The following RBFOX1 variants were observed in gnomAD, a reference collection of about 807,000 sequenced individuals.
RBFOX1 encodes the protein RNA binding protein fox-1 homolog 1.
A neutral mutation model predicts 57.7 loss-of-function variants in RBFOX1; 8 were observed. The ratio of observed to expected loss-of-function variants is 0.14; its 90% CI spans 0.08 to 0.25. RBFOX1 has a LOEUF of 0.25. RBFOX1 is among the 10% of genes least tolerant of loss of function. The pLI, the probability that RBFOX1 is intolerant of heterozygous loss-of-function variation, is 1.00. For synonymous variants in RBFOX1, 326 were observed against 222.4 expected, an observed-to-expected ratio of 1.47 and a Z score of -4.15; for missense variants, 611 against 548.5, an observed-to-expected ratio of 1.11 and a Z score of -1.14.
intron 4 of RBFOX1, among the ~76,000 whole-genome samples, chr16:7,268,554 C>G (rs1436098944): frequency 2.6e-5 from 4 of 152,166 alleles, no homozygotes; most frequent in African/African-American, 7.2e-5. Flanking sequence ...TTGACTTGCT[C>G]TTTGCAGCTA....
intron 2 of RBFOX1, among the ~76,000 whole-genome samples, chr16:6,633,705 G>C (rs116800507): frequency 1.4e-3 from 217 of 152,234 alleles, no homozygotes; most frequent in African/African-American, 5.1e-3. Flanking sequence ...ACATGTTTTA[G>C]TGACTTTGGA....
chr16:6,563,420 C>G (rs570932016), intron 2 of RBFOX1, among the ~76,000 whole-genome samples: 34 of 152,224 alleles, frequency 2.2e-4, no homozygotes, highest in African/African-American at 7.7e-4. Context: ...GGGATCCCCC[C>G]TAGATTGGAT....
At chr16:5,403,239 A>C (rs1421229159) in intron 1 of RBFOX1, among the ~76,000 whole-genome samples, 1 of 149,960 alleles carries the variant, frequency 6.7e-6, no homozygotes, top group Non-Finnish European at 1.5e-5. Context: ...AATCCCAGCT[A>C]TTTGGGAGGC....
intron 3 of RBFOX1, among the ~76,000 whole-genome samples, chr16:6,949,566 GTC>G (rs1036601771): frequency 5.1e-5 from 6 of 118,064 alleles, no homozygotes; most frequent in African/African-American, 1.6e-4. Context: ...TTCGGGGTGT[GTC>G]CTCACTTGGC....
chr16:6,248,889 G>T (rs1328889315), intron 1 of RBFOX1, among the ~76,000 whole-genome samples: 1 of 152,150 alleles, frequency 6.6e-6, no homozygotes, highest in Non-Finnish European at 1.5e-5. Flanking sequence ...CTGGCACACG[G>T]GGAGTGCTCA....
chr16:7,197,924 A>G (rs2087164568), intron 4 of RBFOX1, among the ~76,000 whole-genome samples: 1 of 151,796 alleles, frequency 6.6e-6, no homozygotes, highest in Admixed American at 6.6e-5. Flanking sequence ...TGGGAGTGTA[A>G]CTGAAAAATG....
At position 6,287,018 on chromosome 16, in the gene RBFOX1, A is replaced by G. The variant is rs565026086; in HGVS notation, c.-126-29977A>G. Among the ~76,000 whole-genome samples the G allele has an allele frequency of 6.6e-5, 10 of 152,166 alleles. No homozygotes were observed. The East Asian group carries it at 1.7e-3, about 26-fold the overall frequency. On this transcript the variant is annotated intron_variant, in intron 1 of 15. Coordinates refer to ENST00000550418, the MANE Select transcript of RBFOX1 (RefSeq NM_018723.4). ...GGGTTTTAGGTGAGTCTGAAACTCAAATGCCTACAGAGATCTACAGATTTT... is the reference window on the plus strand; with the variant it reads ...GGGTTTTAGGTGAGTCTGAAACTCAGATGCCTACAGAGATCTACAGATTTT...
chr16:7,215,849 C>T (rs1024586048), intron 4 of RBFOX1, among the ~76,000 whole-genome samples: 40 of 151,776 alleles, frequency 2.6e-4, no homozygotes, highest in Non-Finnish European at 1.0e-4. Context: ...CTCAGCCTCC[C>T]GATTAGCTGG....
At chr16:5,914,535 C>CT (rs2058667370) in intron 4 of RBFOX1, among the ~76,000 whole-genome samples, 1 of 152,100 alleles carries the variant, frequency 6.6e-6, no homozygotes, top group African/African-American at 2.4e-5. Context: ...ATGTGGGACT[C>CT]TCTGTAGACT....
intron 3 of RBFOX1, among the ~76,000 whole-genome samples, chr16:5,716,568 G>C (rs1435614103): frequency 6.6e-6 from 1 of 152,228 alleles, no homozygotes; most frequent in Non-Finnish European, 1.5e-5. Flanking sequence ...AGATGTGGGC[G>C]AGGTTTGGAG....
intron 3 of RBFOX1, among the ~76,000 whole-genome samples, chr16:6,974,265 G>A (rs569029599): frequency 3.4e-5 from 5 of 146,078 alleles, no homozygotes; most frequent in African/African-American, 1.2e-4. Context: ...ATGTGGTACA[G>A]TTTGAGTTGG....
At chr16:6,754,589 T>C (rs1488949439) in intron 3 of RBFOX1, among the ~76,000 whole-genome samples, 2 of 152,184 alleles carry the variant, frequency 1.3e-5, no homozygotes, top group Non-Finnish European at 2.9e-5. Flanking sequence ...CACTAATTTT[T>C]TGCATTGGTT....
Position 5,524,843 on chromosome 16 carries a change from T to C in RBFOX1, c.258+57589T>C, listed in dbSNP as rs2044176686. ...GGCGTGAGACACCGCACCCGGCCCC[T>C]ATTCATCATTCTGATTTAAACGCTT... On this transcript the variant is annotated intron_variant, in intron 2 of 2. Coordinates refer to the RBFOX1 transcript ENST00000585867. Among the ~76,000 whole-genome samples the C allele has an allele frequency of 2.0e-5, 3 of 151,844 alleles. No individual in the cohort carries two copies. The South Asian group carries it at 6.2e-4, about 32-fold the overall frequency.
chr16:6,914,244 G>T (rs1027738932), intron 3 of RBFOX1, among the ~76,000 whole-genome samples: 5 of 152,176 alleles, frequency 3.3e-5, no homozygotes, highest in African/African-American at 7.2e-5. Context: ...AATGTTTGCT[G>T]TGTATTGCAG....
rs114868475 is a variant in RBFOX1, at chr16:6,110,195, C to T, written c.-127+90203C>T. ...TTTTGGTTTTCTGTATTTTCTTCTT[C>T]TTTTTTTTTTTTTTTTAGTTCATTA... On this transcript the variant is annotated intron_variant, in intron 1 of 15. Transcript: ENST00000550418. Among the ~76,000 whole-genome samples the T allele has an allele frequency of 8.0e-4, 103 of 128,234 alleles. 1 individual carries two copies. The highest frequency in any genetic ancestry group is 4.2e-3 in the Middle Eastern group (1 of 236). 84.1% of individuals were successfully genotyped at this position (128,234 alleles called of 152,430 possible).
intron 3 of RBFOX1, among the ~76,000 whole-genome samples, chr16:5,656,583 C>T (rs2049438485): frequency 6.6e-6 from 1 of 152,150 alleles, no homozygotes; most frequent in Admixed American, 6.5e-5. Flanking sequence ...AAAGTTTCTT[C>T]CTGATTGCTT....
At chr16:7,017,727 C>T (rs942262762) in intron 3 of RBFOX1, among the ~76,000 whole-genome samples, 31 of 152,218 alleles carry the variant, frequency 2.0e-4, no homozygotes, top group African/African-American at 7.2e-4. Context: ...TTCACGTTTT[C>T]ACAACCCTGT....
At chr16:7,503,147 T>A (rs1447196408) in intron 4 of RBFOX1, among the ~76,000 whole-genome samples, 11 of 152,238 alleles carry the variant, frequency 7.2e-5, no homozygotes, top group Admixed American at 7.2e-4. Context: ...ATCTGTAACC[T>A]AATCCCATTG....
intron 3 of RBFOX1, among the ~76,000 whole-genome samples, chr16:7,029,076 AT>A (rs2041943226): frequency 2.2e-5 from 1 of 45,634 alleles, no homozygotes. Flanking sequence ...ATATATATAT[AT>A]ATATACACAC....
Sources: gnomAD v4.1 joint callset for allele counts (sites outside exome capture counted in the v4.1 genomes callset) on GRCh38, gnomAD v4.1.1 for gene constraint, MANE v1.5 for transcripts, NCBI Gene and HGNC (gene_info 2026-07-23, HGNC 2026-07-21) for gene names.